PITHD1: variants seen among roughly 807,000 people sequenced by gnomAD.
PITHD1 encodes PITH domain-containing protein 1.
In PITHD1, 8 loss-of-function variants were observed where a neutral mutation model predicts 27.5. That is an observed-to-expected ratio of 0.29 (90% CI 0.17 to 0.52). The LOEUF is 0.52. Ranked by LOEUF, PITHD1 falls within the 20% of genes least tolerant of loss-of-function variation. PITHD1 has a pLI of 0.96. For missense variants in PITHD1, 233 were observed against 283.9 expected (o/e 0.82, Z 1.29); for synonymous variants, 118 against 106.8 (o/e 1.10, Z -0.64).
In PITHD1 at chr1:23,786,429, A is replaced by G. The variant is rs189489839; in HGVS notation, c.534+6A>G. 7.5e-6 allele frequency: 11 copies of G among 1,460,206 alleles called. No individual in the cohort carries two copies. Among genetic ancestry groups the G allele is most frequent in the Non-Finnish European group, 1.1e-5 (11 of 1,045,392 alleles). The allele number at this position is 1,460,206 out of a possible 1,614,324, so 90.5% of individuals were successfully genotyped here. ...TGAGAGGAGAGTGGACTGAGGTAAG[A>G]TGGGGTTGGAAAGGTTTTCCCCTCA... On this transcript the variant is annotated splice_donor_region_variant and intron_variant, in intron 5 of 5. Transcript: ENST00000246151.
At chr1:23,784,155 G>A (rs1638649823) in intron 3 of PITHD1, among the ~76,000 whole-genome samples, 1 of 151,240 alleles carries the variant, frequency 6.6e-6, no homozygotes, top group Non-Finnish European at 1.5e-5. Context: ...TTCTCATTAT[G>A]CCGCTCATAA....
chr1:23,782,106 GGTGTTACAT>G (rs1336320410), intron 3 of PITHD1, among the ~76,000 whole-genome samples: 1 of 152,150 alleles, frequency 6.6e-6, no homozygotes, highest in East Asian at 1.9e-4. Context: ...ACACAGATGA[GGTGTTACAT>G]GTTACTAAAG....
chr1:23,786,464 A>G (rs1638684364), intron 5 of PITHD1, 41 bp downstream of exon 5: 3 of 887,422 alleles, frequency 3.4e-6, no homozygotes, highest in Admixed American at 1.9e-5. Context: ...ATGTCTACAT[A>G]TCTGCACACT....
At position 23,778,502 on chromosome 1, in the gene PITHD1, G is replaced by T. The variant is rs576742699; in HGVS notation, c.-14G>T. The T allele has an allele frequency of 5.9e-6, 8 of 1,347,042 alleles. No individual in the cohort carries two copies. In the South Asian group the frequency reaches 1.3e-4, roughly 22 times the overall value. The allele number at this position is 1,347,042 out of a possible 1,614,324, so 83.4% of individuals were successfully genotyped here. ...GCGGTGGGGCCGAGAGGACGCGCAG[G>T]TGGCGGCGTTGCCATGTCGCACGGT... On this transcript the variant is annotated 5_prime_UTR_variant, in exon 1 of 6. Transcript: ENST00000246151.
At position 23,778,616 on chromosome 1, in the gene PITHD1, G is replaced by T. The variant is rs1638546741; in HGVS notation, c.101G>T (p.Arg34Leu). The part of the protein sequence containing the change: ...QRGLAYGLYL[R>L]IDLERLQCLN... The stretch of plus-strand genomic sequence containing the variant: ...GGCCTGGCCTACGGCCTGTACCTGC[G>T]CATCGACCTGGAGCGGCTGCAATGC... The change falls in exon 1 of 6, where the codon CGC (arginine) becomes CTC (leucine). Residue 34 changes from arginine (R) to leucine (L), a missense_variant. Physicochemically the swap from Arg to Leu is moderately radical, Grantham distance 102. Coordinates refer to ENST00000246151, the MANE Select transcript of PITHD1 (RefSeq NM_020362.5). 2 of 1,334,376 alleles carry T rather than the reference G, an allele frequency of 1.5e-6. No homozygotes were observed. The highest frequency in any genetic ancestry group is 2.0e-5 in the South Asian group (1 of 49,946). 82.7% of individuals were successfully genotyped at this position (1,334,376 alleles called of 1,614,324 possible). A position where few individuals can be genotyped will look rare whatever the true frequency, so the allele number is the denominator to read the frequency against.
intron 3 of PITHD1, among the ~76,000 whole-genome samples, chr1:23,781,212 C>T (rs1327005412): frequency 2.0e-5 from 3 of 152,030 alleles, no homozygotes; most frequent in Non-Finnish European, 2.9e-5. Context: ...ATTCAAATCC[C>T]AGCACTTTGG....
intron 1 of PITHD1, 92 bp downstream of exon 1, chr1:23,778,805 C>A: frequency 1.3e-6 from 1 of 776,660 alleles, no homozygotes; most frequent in Non-Finnish European, 1.8e-6. Flanking sequence ...AGAATAACGA[C>A]AGCCTGGTTG....
intron 3 of PITHD1, among the ~76,000 whole-genome samples, chr1:23,780,553 C>T (rs1638581433): frequency 1.3e-5 from 2 of 152,090 alleles, no homozygotes; most frequent in Admixed American, 1.3e-4. Flanking sequence ...AAAATTCAGT[C>T]CGGGTGCAGT....
At chr1:23,780,920 G>A (rs1005725348) in intron 3 of PITHD1, among the ~76,000 whole-genome samples, 1 of 151,814 alleles carries the variant, frequency 6.6e-6, no homozygotes, top group African/African-American at 2.4e-5. Context: ...AAATCCTAAA[G>A]GCCGAGCATG....
In PITHD1 at chr1:23,783,903, T is replaced by TG. The variant is rs768277590; in HGVS notation, c.321-1771dup. On this transcript the variant is annotated intron_variant, in intron 3 of 5. Transcript: ENST00000246151. The stretch of plus-strand genomic sequence containing the variant: ...ATGTGGAGATTCATTATGTAATCTC[T>TG]GCTTTTGTGTAAGTTTGAACTTTTC... Among the ~76,000 whole-genome samples the TG allele has an allele frequency of 1.5e-4, 23 of 152,254 alleles. 1 individual carries two copies. The highest frequency in any genetic ancestry group is 3.4e-4 in the Non-Finnish European group (23 of 68,046).
At chr1:23,783,145 C>T (rs924027720) in intron 3 of PITHD1, among the ~76,000 whole-genome samples, 7 of 151,198 alleles carry the variant, frequency 4.6e-5, no homozygotes, top group African/African-American at 1.2e-4. Flanking sequence ...TACAGGTGCC[C>T]GCCACCATGT....
intron 2 of PITHD1, 34 bp downstream of exon 2, chr1:23,779,515 A>ATT (rs1638564195): frequency 6.5e-7 from 1 of 1,537,280 alleles, no homozygotes; most frequent in Admixed American, 1.7e-5. Flanking sequence ...CTCAGGCTAA[A>ATT]TAGGCTGTAC....
At position 23,784,316 on chromosome 1, in the gene PITHD1, C is replaced by T. The variant is rs562164567; in HGVS notation, c.321-1359C>T. Among the ~76,000 whole-genome samples, 12 of 143,940 alleles carry T rather than the reference C, an allele frequency of 8.3e-5. 1 individual carries two copies. Among genetic ancestry groups the T allele is most frequent in the Non-Finnish European group, 1.2e-4 (8 of 66,518 alleles). 94.4% of individuals were successfully genotyped at this position (143,940 alleles called of 152,430 possible). A position where few individuals can be genotyped will look rare whatever the true frequency, so the allele number is the denominator to read the frequency against. On this transcript the variant is annotated intron_variant, in intron 3 of 5. Transcript: ENST00000246151. ...AGTGCAGTGGCGCCATCTCGGCTCA[C>T]TCCAAGTTCCGCTTCCCAGGTTCAT...
At position 23,779,412 on chromosome 1, in the gene PITHD1, TCCTCCCC is replaced by T; in HGVS notation, c.199-18_199-12del. The T allele has an allele frequency of 1.9e-6, 3 of 1,596,740 alleles. No individual in the cohort carries two copies. Among genetic ancestry groups the T allele is most frequent in the Non-Finnish European group, 2.6e-6 (3 of 1,164,398 alleles). ...CTCTCAGCAAATATTTGTTGCTTTCTCCTCCCCCCTCCCCATCCCCTCCAGTTTGTTG... is the reference window on the plus strand; with the variant it reads ...CTCTCAGCAAATATTTGTTGCTTTCTCCTCCCCATCCCCTCCAGTTTGTTG... On this transcript the variant is annotated intron_variant, in intron 1 of 5. Coordinates refer to ENST00000246151, the MANE Select transcript of PITHD1 (RefSeq NM_020362.5).
Position 23,778,469 on chromosome 1 carries a change from C to T in PITHD1, c.-47C>T. 2 of 1,288,482 alleles carry T rather than the reference C, an allele frequency of 1.6e-6. No individual in the cohort carries two copies. Among genetic ancestry groups the T allele is most frequent in the South Asian group, 2.0e-5 (1 of 49,002 alleles). 79.8% of individuals were successfully genotyped at this position (1,288,482 alleles called of 1,614,324 possible). A position where few individuals can be genotyped will look rare whatever the true frequency, so the allele number is the denominator to read the frequency against. On this transcript the variant is annotated 5_prime_UTR_variant, in exon 1 of 6. Coordinates refer to ENST00000246151, the MANE Select transcript of PITHD1 (RefSeq NM_020362.5). ...CTGGTCTGAGGCGAGCCGAGCCGAGCGAGCGCGGCGGTGGGGCCGAGAGGA... is the reference window on the plus strand; with the variant it reads ...CTGGTCTGAGGCGAGCCGAGCCGAGTGAGCGCGGCGGTGGGGCCGAGAGGA...
rs543506742 is a variant in PITHD1 at position 23,788,101 on chromosome 1, T to G, written c.*725T>G. On this transcript the variant is annotated 3_prime_UTR_variant, in exon 6 of 6. Coordinates refer to ENST00000246151, the MANE Select transcript of PITHD1 (RefSeq NM_020362.5). The stretch of plus-strand genomic sequence containing the variant: ...ACTTAGTTAAGATTCCCCTTGGAAA[T>G]TCCTTAATGTTTATTAGCTTCTAAC... 3.9e-5 allele frequency: 6 copies of G among 152,334 alleles called. No individual in the cohort carries two copies. In the South Asian group the frequency reaches 1.2e-3, roughly 32 times the overall value. The allele number at this position is 152,334 out of a possible 1,614,324, so 9.4% of individuals were successfully genotyped here.
chr1:23,778,681 AAGCCGTGGGAGG>A lies in PITHD1; in HGVS notation c.170_181del (p.Pro57_Glu60del). 1.5e-6 allele frequency: 2 copies of A among 1,312,034 alleles called. No individual in the cohort carries two copies. The highest frequency in any genetic ancestry group is 1.9e-6 in the Non-Finnish European group (2 of 1,032,558). The allele number at this position is 1,312,034 out of a possible 1,614,324, so 81.3% of individuals were successfully genotyped here. ...CGAGGGCAGCGGCCGCGGCGTCTTC[AAGCCGTGGGAGG>A]AGCGGACCGACCGCTCCAAGGTGGG... On this transcript the variant is annotated inframe_deletion, in exon 1 of 6. Transcript: ENST00000246151.
rs151210204 is a variant in PITHD1, at chr1:23,783,345, A to C, written c.321-2330A>C. ...TATATATACACATATATGTGTATAT[A>C]TACATATATACGCATATATATATAC... On this transcript the variant is annotated intron_variant, in intron 3 of 5. Transcript: ENST00000246151. 3.5e-3 allele frequency among the ~76,000 whole-genome samples: 517 copies of C among 147,526 alleles called. 1 individual carries two copies. Among genetic ancestry groups the C allele is most frequent in the African/African-American group, 7.4e-3 (291 of 39,564 alleles).
At position 23,783,058 on chromosome 1, in the gene PITHD1, G is replaced by A. The variant is rs183606607; in HGVS notation, c.321-2617G>A. Among the ~76,000 whole-genome samples, 5 of 151,696 alleles carry A rather than the reference G, an allele frequency of 3.3e-5. No individual in the cohort carries two copies. In the South Asian group the frequency reaches 6.2e-4, roughly 19 times the overall value. ...GTCGCCCAGGCTGGAGTGCAGTGGC[G>A]CGATCTCGGCTCACTGCAAGCTCCG... On this transcript the variant is annotated intron_variant, in intron 3 of 5. Transcript: ENST00000246151.
Sources: allele counts gnomAD v4.1 joint callset (sites outside exome capture counted in the v4.1 genomes callset), GRCh38; gene constraint gnomAD v4.1.1; transcripts MANE v1.5; gene names NCBI Gene and HGNC (gene_info 2026-07-23, HGNC 2026-07-21).